PKP4: variants seen among roughly 807,000 people sequenced by gnomAD.
PKP4 encodes the protein plakophilin-4.
PKP4 carries 90 observed loss-of-function variants against 145.1 expected under a neutral mutation model. The observed-to-expected ratio is 0.62, with a 90% CI of 0.52 to 0.74. The LOEUF is 0.74. Among genes scored for constraint, PKP4 ranks in the 30% least tolerant of loss-of-function variants. PKP4 has a pLI of 0.00. For missense variants in PKP4, 1,340 were observed against 1,482.7 expected, an observed-to-expected ratio of 0.90 and a Z score of 1.58; for synonymous variants, 563 against 577.2, an observed-to-expected ratio of 0.98 and a Z score of 0.35.
chr2:158,661,168 A>G lies in PKP4; in HGVS notation c.2094-165A>G, dbSNP rs367784884. The G allele has an allele frequency of 2.7e-4, 148 of 549,026 alleles. 4 individuals are homozygous for G. Among genetic ancestry groups the G allele is most frequent in the South Asian group, 2.3e-3 (112 of 48,140 alleles). 34.0% of individuals were successfully genotyped at this position (549,026 alleles called of 1,614,324 possible). ...ATGTGTGGATAATGGGGAGCGGGCCATCATTGTGAGCTTCAGGATGTTACC... is the reference window on the plus strand; with the variant it reads ...ATGTGTGGATAATGGGGAGCGGGCCGTCATTGTGAGCTTCAGGATGTTACC... On this transcript the variant is annotated intron_variant, in intron 12 of 21. Transcript: ENST00000389759.
intron 1 of PKP4, among the ~76,000 whole-genome samples, chr2:158,490,347 A>T (rs1694762369): frequency 7.1e-6 from 1 of 139,948 alleles, no homozygotes; most frequent in South Asian, 2.2e-4. Context: ...CACCAAATTG[A>T]TTTAAAAAAA....
At chr2:158,475,337 A>G (rs1337279576) in intron 1 of PKP4, among the ~76,000 whole-genome samples, 1 of 152,056 alleles carries the variant, frequency 6.6e-6, no homozygotes, top group Non-Finnish European at 1.5e-5. Context: ...AAACTGATTC[A>G]TTCTTTTTTT....
At chr2:158,609,938 A>G (rs952770682) in intron 4 of PKP4, among the ~76,000 whole-genome samples, 1 of 152,214 alleles carries the variant, frequency 6.6e-6, no homozygotes, top group Non-Finnish European at 1.5e-5. Context: ...TACTTCCCAA[A>G]GAACGAGGAA....
chr2:158,472,750 T>C (rs1440521403), intron 1 of PKP4, among the ~76,000 whole-genome samples: 3 of 152,162 alleles, frequency 2.0e-5, no homozygotes, highest in African/African-American at 7.2e-5. Flanking sequence ...GCTTTTCCTG[T>C]GAAGAAGCCA....
At chr2:158,460,937 C>T (rs1689670580) in intron 1 of PKP4, among the ~76,000 whole-genome samples, 2 of 152,164 alleles carry the variant, frequency 1.3e-5, no homozygotes, top group African/African-American at 4.8e-5. Context: ...AGCCAGACAA[C>T]ACTACAGACA....
At chr2:158,601,562 A>G (rs964783881) in intron 3 of PKP4, among the ~76,000 whole-genome samples, 1 of 152,208 alleles carries the variant, frequency 6.6e-6, no homozygotes, top group Non-Finnish European at 1.5e-5. Flanking sequence ...CTGATATTTG[A>G]CCAAGTTTTC....
intron 2 of PKP4, among the ~76,000 whole-genome samples, chr2:158,568,839 G>A (rs2047202367): frequency 6.6e-6 from 1 of 152,116 alleles, no homozygotes; most frequent in Non-Finnish European, 1.5e-5. Flanking sequence ...CAGGCTTGGT[G>A]GCACATACCT....
chr2:158,627,233 T>G (rs2105904674), intron 7 of PKP4, among the ~76,000 whole-genome samples: 1 of 152,276 alleles, frequency 6.6e-6, no homozygotes, highest in African/African-American at 2.4e-5. Context: ...CAAGGAAATC[T>G]TAGAAAATAA....
chr2:158,563,252 T>C (rs2046694868), intron 2 of PKP4, among the ~76,000 whole-genome samples: 1 of 152,124 alleles, frequency 6.6e-6, no homozygotes, highest in African/African-American at 2.4e-5. Flanking sequence ...CTCTATTTTA[T>C]TTACAAAAAT....
chr2:158,485,882 G>A (rs1271211288), intron 1 of PKP4, among the ~76,000 whole-genome samples: 1 of 152,006 alleles, frequency 6.6e-6, no homozygotes, highest in African/African-American at 2.4e-5. Flanking sequence ...AAATACATTG[G>A]CATATGTAAT....
intron 15 of PKP4, among the ~76,000 whole-genome samples, chr2:158,663,805 G>A (rs149277187): frequency 2.8e-4 from 42 of 152,350 alleles, no homozygotes; most frequent in African/African-American, 1.0e-3. Flanking sequence ...ACGTGGAGGA[G>A]ATTTCCTGAA....
intron 11 of PKP4, among the ~76,000 whole-genome samples, chr2:158,647,485 T>G (rs991514099): frequency 1.2e-4 from 19 of 152,264 alleles, no homozygotes; most frequent in Non-Finnish European, 2.5e-4. Flanking sequence ...AAATTTTAGC[T>G]GTTTTTTATA....
chr2:158,674,149 A>C, intron 19 of PKP4, 149 bp downstream of exon 19: 1 of 694,174 alleles, frequency 1.4e-6, no homozygotes, highest in East Asian at 2.5e-5. Flanking sequence ...ATCACACACC[A>C]TTATAAACCA....
chr2:158,487,974 C>T (rs1018391584), intron 1 of PKP4, among the ~76,000 whole-genome samples: 11 of 152,130 alleles, frequency 7.2e-5, no homozygotes, highest in African/African-American at 1.7e-4. Context: ...AATATTGATT[C>T]GTTTCTTCAG....
intron 1 of PKP4, among the ~76,000 whole-genome samples, chr2:158,529,960 G>A (rs925240774): frequency 1.3e-5 from 2 of 152,102 alleles, no homozygotes; most frequent in Non-Finnish European, 2.9e-5. Context: ...CAGACCTCTG[G>A]CATTATGTTA....
At chr2:158,583,096 A>T (rs1178572508) in intron 3 of PKP4, among the ~76,000 whole-genome samples, 2 of 152,202 alleles carry the variant, frequency 1.3e-5, no homozygotes, top group Admixed American at 1.3e-4. Flanking sequence ...GAATCTTCAG[A>T]GGGAAATATG....
At chr2:158,601,184 A>G (rs2050193946) in intron 3 of PKP4, among the ~76,000 whole-genome samples, 1 of 152,226 alleles carries the variant, frequency 6.6e-6, no homozygotes, top group African/African-American at 2.4e-5. Flanking sequence ...CATTTGAGCA[A>G]TTAGCTGGAA....
intron 4 of PKP4, among the ~76,000 whole-genome samples, chr2:158,610,986 A>G (rs2051098089): frequency 6.6e-6 from 1 of 152,212 alleles, no homozygotes; most frequent in South Asian, 2.1e-4. Flanking sequence ...TACGTAGGTG[A>G]TAAAGAATTG....
intron 2 of PKP4, among the ~76,000 whole-genome samples, chr2:158,536,955 G>A (rs528717160): frequency 8.5e-5 from 13 of 152,270 alleles, no homozygotes; most frequent in South Asian, 4.2e-4. Context: ...GGATAGAGCC[G>A]TGTTTTAGGC....
Sources: gnomAD v4.1 joint callset for allele counts (sites outside exome capture counted in the v4.1 genomes callset) on GRCh38, gnomAD v4.1.1 for gene constraint, MANE v1.5 for transcripts, NCBI Gene and HGNC (gene_info 2026-07-23, HGNC 2026-07-21) for gene names.